The following TTLL13 variants were observed in gnomAD, a reference collection of about 807,000 sequenced individuals.
TTLL13 encodes the protein tubulin tyrosine ligase like 13, also known as tubulin polyglutamylase TTLL13.
the TTLL13 span, chr15:90,253,408 C>A: frequency 6.8e-7 from 1 of 1,480,398 alleles, no homozygotes; most frequent in Admixed American, 1.8e-5. Context: ...GGGCTAGGGC[C>A]CCAGAATGAC....
chr15:90,262,902 T>G, the TTLL13 span: 1 of 1,486,168 alleles, frequency 6.7e-7, no homozygotes, highest in African/African-American at 1.4e-5. Context: ...CCTGTAGCCA[T>G]CCTGGGTGAT....
the TTLL13 span, chr15:90,251,690 C>A: frequency 7.1e-7 from 1 of 1,410,830 alleles, no homozygotes; most frequent in Non-Finnish European, 1.0e-6. Flanking sequence ...AGGCTTCCAG[C>A]CCCTGGGGCC....
At chr15:90,259,230 A>T in the TTLL13 span, 2 of 375,878 alleles carry the variant, frequency 5.3e-6, no homozygotes, top group African/African-American at 2.1e-5. Flanking sequence ...AATAATAATT[A>T]AAAAATAAAA....
the TTLL13 span, chr15:90,251,598 A>C: frequency 1.9e-6 from 3 of 1,613,864 alleles, no homozygotes; most frequent in South Asian, 1.1e-5. Flanking sequence ...GAGAGTGGTA[A>C]GCACCCAGCC....
chr15:90,258,115 T>A, the TTLL13 span: 1 of 1,614,116 alleles, frequency 6.2e-7, no homozygotes, highest in Non-Finnish European at 8.5e-7. Context: ...ATCGAGGACA[T>A]CATCATCAAA....
the TTLL13 span, chr15:90,263,253 G>A: frequency 9.4e-7 from 1 of 1,063,474 alleles, no homozygotes; most frequent in Non-Finnish European, 1.3e-6. Flanking sequence ...ATCTGTCAGT[G>A]GAGCCTGGGA....
the TTLL13 span, chr15:90,258,886 G>A: frequency 1.2e-6 from 2 of 1,614,198 alleles, no homozygotes; most frequent in Admixed American, 1.7e-5. Flanking sequence ...GGCGAGTCAA[G>A]GAACGGCTTT....
chr15:90,256,293 C>T, the TTLL13 span: 2 of 1,614,158 alleles, frequency 1.2e-6, no homozygotes, highest in Non-Finnish European at 1.7e-6. Context: ...CAATACATCT[C>T]CAAGGTGAAG....
chr15:90,261,468 G>A, the TTLL13 span, among the ~76,000 whole-genome samples: 1 of 151,232 alleles, frequency 6.6e-6, no homozygotes, highest in Non-Finnish European at 1.5e-5. Context: ...ATAATGGACT[G>A]CTAGCTTACG....
chr15:90,254,377 C>T, the TTLL13 span, among the ~76,000 whole-genome samples: 1 of 148,734 alleles, frequency 6.7e-6, no homozygotes, highest in African/African-American at 2.5e-5. Context: ...CTTGTAATCC[C>T]AGCTATTTAG....
At chr15:90,257,953 T>A in the TTLL13 span, 1 of 1,299,496 alleles carries the variant, frequency 7.7e-7, no homozygotes, top group Non-Finnish European at 1.1e-6. Flanking sequence ...GGCATGCAAT[T>A]AGCGTTAGTG....
the TTLL13 span, chr15:90,265,011 G>A: frequency 6.7e-7 from 1 of 1,497,936 alleles, no homozygotes; most frequent in Non-Finnish European, 8.9e-7. Flanking sequence ...AACCTCCCCA[G>A]GTTTCCAAAG....
the TTLL13 span, among the ~76,000 whole-genome samples, chr15:90,253,865 T>G: frequency 0.018 from 2,734 of 152,326 alleles, 91 homozygotes; most frequent in African/African-American, 0.062. Flanking sequence ...ATTGGGCGTT[T>G]GTGGTGATCA....
At chr15:90,258,528 T>G in the TTLL13 span, 1 of 613,616 alleles carries the variant, frequency 1.6e-6, no homozygotes, top group South Asian at 2.0e-5. Flanking sequence ...AGGGACACAC[T>G]ATCTAGAGAG....
the TTLL13 span, chr15:90,258,003 G>GAA: frequency 1.4e-5 from 22 of 1,600,724 alleles, no homozygotes; most frequent in East Asian, 4.9e-4. Context: ...CAGTGGCCTA[G>GAA]AAACTGGCCT....
the TTLL13 span, chr15:90,262,417 T>C: frequency 7.2e-7 from 1 of 1,391,886 alleles, no homozygotes; most frequent in Non-Finnish European, 9.4e-7. Flanking sequence ...TGCTCTTTCC[T>C]CATCCCCATT....
At chr15:90,255,052 G>A in the TTLL13 span, among the ~76,000 whole-genome samples, 2 of 152,206 alleles carry the variant, frequency 1.3e-5, no homozygotes, top group Admixed American at 6.5e-5. Context: ...CCAGTGATGG[G>A]GAAACCCAGT....
chr15:90,254,201 TTAA>T, the TTLL13 span, among the ~76,000 whole-genome samples: 1 of 110,642 alleles, frequency 9.0e-6, no homozygotes. Flanking sequence ...TTTTTTTTTT[TTAA>T]AAAAAAAAGG....
chr15:90,258,100 G>GGGACATCGA, the TTLL13 span: 1 of 1,614,184 alleles, frequency 6.2e-7, no homozygotes, highest in East Asian at 2.2e-5. Context: ...GAGCTGTGGG[G>GGGACATCGA]GGACATCGAG....
Sources: allele counts gnomAD v4.1 joint callset (sites outside exome capture counted in the v4.1 genomes callset), GRCh38; gene constraint gnomAD v4.1.1; transcripts MANE v1.5; gene names NCBI Gene and HGNC (gene_info 2026-07-23, HGNC 2026-07-21).